Variants in RIN1 observed in about 807,000 individuals in gnomAD.
The protein encoded by RIN1 is ras inhibitor 1.
RIN1 carries 52 observed loss-of-function variants against 64.9 expected under a neutral mutation model. The observed-to-expected ratio is 0.80, with a 90% CI of 0.64 to 1.01. RIN1 has a LOEUF of 1.01. RIN1 is among the 50% of genes least tolerant of loss of function. The probability of loss-of-function intolerance (pLI) is 0.00; values close to 1 mark genes in which losing one functional copy is unlikely to be tolerated. For synonymous variants in RIN1, 486 were observed against 483.6 expected, an observed-to-expected ratio of 1.00 and a Z score of -0.06; for missense variants, 1,040 against 1,064.5, an observed-to-expected ratio of 0.98 and a Z score of 0.32.
Position 66,335,136 on chromosome 11 carries a change from GGCGGCTCCGGT to G in RIN1, c.652_662del (p.Thr218LeufsTer83). ...GGAACAGGGGGTTGAAGAAGCACAA[GGCGGCTCCGGT>G]GCCCTGGTCCAGCTCTTGAGGGGAC... On this transcript the variant is annotated frameshift_variant, in exon 6 of 10. Coordinates refer to ENST00000311320, the MANE Select transcript of RIN1 (RefSeq NM_004292.3). LOFTEE classifies it high-confidence loss of function. 1 of 1,542,700 alleles carries G rather than the reference GGCGGCTCCGGT, an allele frequency of 6.5e-7. No homozygotes were observed. The highest frequency in any genetic ancestry group is 1.2e-5 in the South Asian group (1 of 80,842).
rs1278834894 is a variant in RIN1, at chr11:66,332,876, A to C, written c.1876-124T>G. The C allele has an allele frequency of 7.7e-6, 6 of 779,880 alleles. No individual in the cohort carries two copies. In the South Asian group the frequency reaches 1.1e-4, roughly 14 times the overall value. The allele number at this position is 779,880 out of a possible 1,614,324, so 48.3% of individuals were successfully genotyped here. A position where few individuals can be genotyped will look rare whatever the true frequency, so the allele number is the denominator to read the frequency against. On this transcript the variant is annotated intron_variant, in intron 9 of 9. Coordinates refer to ENST00000311320, the MANE Select transcript of RIN1 (RefSeq NM_004292.3). ...GGTGGGTAGGTGGAGATCCAGTGGG[A>C]GAACCAAGCGGCAAAAGCTCTATGT... is the stretch of plus-strand genomic sequence containing the variant.
rs1405545469 is a variant in RIN1, at chr11:66,334,228, C to T, written c.1286-4G>A. The T allele has an allele frequency of 1.4e-6, 2 of 1,453,834 alleles. No individual in the cohort carries two copies. The highest frequency in any genetic ancestry group is 1.4e-5 in the South Asian group (1 of 69,284). The allele number at this position is 1,453,834 out of a possible 1,614,324, so 90.1% of individuals were successfully genotyped here. ...AATGACTTCTCCAGGACATGTTCTGCCGGAGGGACAGGGAGGGGTCAGGGG... is the reference window on the plus strand; with the variant it reads ...AATGACTTCTCCAGGACATGTTCTGTCGGAGGGACAGGGAGGGGTCAGGGG... On this transcript the variant is annotated splice_polypyrimidine_tract_variant and splice_region_variant and intron_variant, in intron 6 of 9. Transcript: ENST00000311320.
rs368670070 is a variant in RIN1, at chr11:66,333,649, G to A, written c.1601C>T (p.Ala534Val). 2.8e-5 allele frequency: 45 copies of A among 1,611,820 alleles called. No homozygotes were observed. Among genetic ancestry groups the A allele is most frequent in the Middle Eastern group, 1.6e-4 (1 of 6,074 alleles). ...CAGAGGCAGGAACTCGTCGGCACCC[G>A]CGCCCTCCCCTGTGGGGACATGGTG... The part of the protein sequence containing the change: ...MALRTQEGEG[A>V]GADEFLPLLS... The change falls in exon 8 of 10, where the codon GCG (alanine) becomes GTG (valine). Residue 534 changes from alanine to valine, a missense_variant. Transcript: ENST00000311320.
Position 66,336,138 on chromosome 11 carries a change from TACAGTGG to T in RIN1, c.100_106del (p.Pro34MetfsTer21). The T allele has an allele frequency of 6.9e-7, 1 of 1,445,414 alleles. No individual in the cohort carries two copies. Among genetic ancestry groups the T allele is most frequent in the Non-Finnish European group, 9.1e-7 (1 of 1,100,934 alleles). The allele number at this position is 1,445,414 out of a possible 1,614,324, so 89.5% of individuals were successfully genotyped here. A position where few individuals can be genotyped will look rare whatever the true frequency, so the allele number is the denominator to read the frequency against. On this transcript the variant is annotated frameshift_variant, in exon 2 of 10. Transcript: ENST00000311320. LOFTEE classifies it high-confidence loss of function. ...CCCGCCGCTGGCATTGGGCACGTCA[TACAGTGG>T]GTCCTGGGCTGGCCTGGGGGCAGGC...
rs368001399 is a variant in RIN1 at position 66,334,504 on chromosome 11, G to A, written c.1285+10C>T. On this transcript the variant is annotated intron_variant, in intron 6 of 9. Transcript: ENST00000311320. Reference sequence around the variant, plus strand: ...GGCAGTGCTGGAGCTATGGAGAGACGGAGCCTCACCCAGCCTCTTAGGCGA... The same window carrying A: ...GGCAGTGCTGGAGCTATGGAGAGACAGAGCCTCACCCAGCCTCTTAGGCGA... 1.0e-5 allele frequency: 16 copies of A among 1,595,418 alleles called. No homozygotes were observed. The East Asian group carries it at 2.7e-4, about 27-fold the overall frequency.
At chr11:66,333,098 C>G (rs76359943) in intron 9 of RIN1, 160 bp downstream of exon 9, 1 of 819,796 alleles carries the variant, frequency 1.2e-6, no homozygotes, top group African/African-American at 1.7e-5. Flanking sequence ...AACTGAGGCA[C>G]GAAGTAGTTA....
chr11:66,333,909 AG>A lies in RIN1; in HGVS notation c.1591+9del. On this transcript the variant is annotated intron_variant, in intron 7 of 9. Coordinates refer to ENST00000311320, the MANE Select transcript of RIN1 (RefSeq NM_004292.3). ...GGGCAGGGCAGGGTGAGGTGGTGGC[AG>A]GGACATACCTTCCTGGGTCCTCAGG... The A allele has an allele frequency of 1.3e-6, 2 of 1,508,710 alleles. No individual in the cohort carries two copies. The highest frequency in any genetic ancestry group is 2.2e-5 in the Admixed American group (1 of 44,776). 93.5% of individuals were successfully genotyped at this position (1,508,710 alleles called of 1,614,324 possible). A position where few individuals can be genotyped will look rare whatever the true frequency, so the allele number is the denominator to read the frequency against.
chr11:66,332,778 AG>A, intron 9 of RIN1, 26 bp from the exon 10 acceptor site: 1 of 1,471,792 alleles, frequency 6.8e-7, no homozygotes, highest in Non-Finnish European at 9.1e-7. Flanking sequence ...AGCAAAAACA[AG>A]TACTCAGCCC....
rs1385024596 is a variant in RIN1 at position 66,334,670 on chromosome 11, T to C, written c.1129A>G (p.Thr377Ala). 1 of 1,557,544 alleles carries C rather than the reference T, an allele frequency of 6.4e-7. No individual in the cohort carries two copies. Among genetic ancestry groups the C allele is most frequent in the East Asian group, 2.4e-5 (1 of 41,684 alleles). ...TCCTGCACCAGCTGGCCCGCGGCTG[T>C]GTGTCGGTCCTGCATCAGTGCTGCC... ...AAAALMQDRH[T>A]AAGQLVQDLL... The change falls in exon 6 of 10, where the codon ACA becomes GCA. Residue 377 changes from threonine to alanine, a missense_variant. Transcript: ENST00000311320.
At position 66,333,647 on chromosome 11, in the gene RIN1, C is replaced by T. The variant is rs375786858; in HGVS notation, c.1603G>A (p.Gly535Ser). The change falls in exon 8 of 10, where the codon GGT becomes AGT. Residue 535 changes from glycine (G) to serine (S), a missense_variant. By Grantham distance (56) the Gly-to-Ser change is moderately conservative. Coordinates refer to ENST00000311320, the MANE Select transcript of RIN1 (RefSeq NM_004292.3). ...AGCAGAGGCAGGAACTCGTCGGCAC[C>T]CGCGCCCTCCCCTGTGGGGACATGG... ...ALRTQEGEGA[G>S]ADEFLPLLSL... The T allele has an allele frequency of 5.6e-6, 9 of 1,611,914 alleles. No individual in the cohort carries two copies. In the Admixed American group the frequency reaches 1.0e-4, roughly 18 times the overall value.
chr11:66,335,467 T>C lies in RIN1; in HGVS notation c.487A>G (p.Arg163Gly), dbSNP rs1185576068. The change falls in exon 5 of 10, where the codon AGA (arginine) becomes GGA (glycine). Residue 163 changes from arginine (R) to glycine (G), a missense_variant. By Grantham distance (125) the Arg-to-Gly change is moderately radical (BLOSUM62 -2). Coordinates refer to ENST00000311320, the MANE Select transcript of RIN1 (RefSeq NM_004292.3). Reference protein sequence around the residue: ...DILLLPLQLPRAIHHAATHKE... With the variant: ...DILLLPLQLPGAIHHAATHKE... ...TGAGTGGCTGCGTGGTGGATGGCTC[T>C]GGGGAGCTGCAGCGGGAGGAGAAGG... The C allele has an allele frequency of 5.0e-6, 8 of 1,613,636 alleles. No individual in the cohort carries two copies. The highest frequency in any genetic ancestry group is 6.8e-6 in the Non-Finnish European group (8 of 1,179,806).
chr11:66,333,566 T>C lies in RIN1; in HGVS notation c.1684A>G (p.Met562Val). The change falls in exon 8 of 10, where the codon ATG (methionine) becomes GTG (valine). Residue 562 changes from methionine (M) to valine (V), a missense_variant. By Grantham distance (21) the Met-to-Val change is conservative (BLOSUM62 1). Coordinates refer to ENST00000311320, the MANE Select transcript of RIN1 (RefSeq NM_004292.3). ...LPELLLEAEYMSELLEPSLLT... is the reference protein window; with the variant it reads ...LPELLLEAEYVSELLEPSLLT... ...AGGCTGGGCTCCAGCAGCTCCGACA[T>C]GTACTCGGCCTCCAGCAGCAGCTCA... 3.7e-6 allele frequency: 6 copies of C among 1,613,268 alleles called. No homozygotes were observed. The highest frequency in any genetic ancestry group is 2.2e-5 in the South Asian group (2 of 91,076).
Position 66,332,191 on chromosome 11 carries a change from C to T in RIN1, c.*85G>A, listed in dbSNP as rs1854748193. 7.8e-7 allele frequency: 1 copy of T among 1,278,508 alleles called. No individual in the cohort carries two copies. Among genetic ancestry groups the T allele is most frequent in the South Asian group, 1.2e-5 (1 of 82,436 alleles). The allele number at this position is 1,278,508 out of a possible 1,614,324, so 79.2% of individuals were successfully genotyped here. A position where few individuals can be genotyped will look rare whatever the true frequency, so the allele number is the denominator to read the frequency against. On this transcript the variant is annotated 3_prime_UTR_variant, in exon 10 of 10. Coordinates refer to ENST00000311320, the MANE Select transcript of RIN1 (RefSeq NM_004292.3). ...GGTGGTGGCAGACACAGGACAGGGC[C>T]CTGGGTGGGGCTTGCTGGCGCTAAA...
chr11:66,335,249 A>G lies in RIN1; in HGVS notation c.550T>C (p.Phe184Leu). The change falls in exon 6 of 10, where the codon TTC becomes CTC. Residue 184 changes from phenylalanine to leucine, a missense_variant and splice_region_variant. By Grantham distance (22) the Phe-to-Leu change is conservative. Transcript: ENST00000311320. ...LEAISHLGIEFWSSSLNIKAQ... is the reference protein window; with the variant it reads ...LEAISHLGIELWSSSLNIKAQ... ...TTGATGTTGAGGGAGGAGCTCCAGA[A>G]CTCTAGGGAACAAGAAACCGACTGG... 2 of 1,573,938 alleles carry G rather than the reference A, an allele frequency of 1.3e-6. No individual in the cohort carries two copies. The highest frequency in any genetic ancestry group is 2.2e-5 in the East Asian group (1 of 44,456).
rs2134935566 is a variant in RIN1, at chr11:66,332,528, G to C, written c.2100C>G (p.Val700=). The stretch of plus-strand genomic sequence containing the variant: ...TCTCAGGCCACTCCGCCCGGCGGTA[G>C]ACGAGGTAGCCAGTGGTGGGCAGCC... The part of the protein sequence containing the change: ...AHRLPTTGYL[V]YRRAEWPETQ... The change falls in exon 10 of 10, where the codon GTC becomes GTG. Residue 700 remains valine, a synonymous_variant. Transcript: ENST00000311320. 6.2e-7 allele frequency: 1 copy of C among 1,613,772 alleles called. No individual in the cohort carries two copies. The highest frequency in any genetic ancestry group is 8.5e-7 in the Non-Finnish European group (1 of 1,179,760).
rs778778664 is a variant in RIN1, at chr11:66,334,850, C to T, written c.949G>A (p.Gly317Ser). The change falls in exon 6 of 10, where the codon GGC becomes AGC. Residue 317 changes from glycine to serine, a missense_variant. By Grantham distance (56) the Gly-to-Ser change is moderately conservative. Coordinates refer to ENST00000311320, the MANE Select transcript of RIN1 (RefSeq NM_004292.3). ...PMPSLQEVDC[G>S]SPSSSEEEGV... is the part of the protein sequence containing the mutation. Reference sequence around the variant, plus strand: ...TCCTCCTCGGAGCTGCTGGGGGAGCCGCAGTCCACCTCTTGGAGGGAGGGC... The same window carrying T: ...TCCTCCTCGGAGCTGCTGGGGGAGCTGCAGTCCACCTCTTGGAGGGAGGGC... The T allele has an allele frequency of 1.4e-5, 22 of 1,552,598 alleles. No individual in the cohort carries two copies. The highest frequency in any genetic ancestry group is 2.3e-5 in the South Asian group (2 of 85,226).
intron 1 of RIN1, 37 bp from the exon 2 acceptor site, chr11:66,336,195 G>A (rs1337169710): frequency 1.4e-6 from 2 of 1,475,934 alleles, no homozygotes; most frequent in African/African-American, 1.4e-5. Flanking sequence ...AGGGAGCCAG[G>A]GGCTGGGACC....
intron 6 of RIN1, 143 bp from the exon 7 acceptor site, chr11:66,334,367 G>A: frequency 8.0e-7 from 1 of 1,243,160 alleles, no homozygotes; most frequent in Non-Finnish European, 1.1e-6. Flanking sequence ...AAGAGTTGGG[G>A]GAGAGAGGGG....
chr11:66,333,620 T>C lies in RIN1; in HGVS notation c.1630A>G (p.Ser544Gly), dbSNP rs764110187. 4.3e-6 allele frequency: 7 copies of C among 1,611,584 alleles called. No homozygotes were observed. The highest frequency in any genetic ancestry group is 5.9e-6 in the Non-Finnish European group (7 of 1,179,048). Residue 544 changes from serine (S) to glycine (G), a missense_variant, in exon 8 of 10, where the codon AGC becomes GGC. Ser to Gly is a moderately conservative substitution (Grantham distance 56). Transcript: ENST00000311320. The stretch of plus-strand genomic sequence containing the variant: ...AGGTCACAGTGGGCCAAGACGAGGC[T>C]CAGCAGAGGCAGGAACTCGTCGGCA... ...AGADEFLPLL[S>G]LVLAHCDLPE... is the part of the protein sequence containing the mutation.
Sources: allele counts gnomAD v4.1 joint callset, GRCh38; gene constraint gnomAD v4.1.1; transcripts MANE v1.5; gene names NCBI Gene and HGNC (gene_info 2026-07-23, HGNC 2026-07-21).